C2: variants seen among roughly 807,000 people sequenced by gnomAD.
C2 encodes the protein complement C2.
In C2, 64 loss-of-function variants were observed where a neutral mutation model predicts 85.2. The ratio of observed to expected loss-of-function variants is 0.75; its 90% confidence interval spans 0.61 to 0.92. C2 has a LOEUF of 0.92. C2 is among the 40% of genes least tolerant of loss of function. C2 has a pLI of 0.00. For synonymous variants in C2, 311 were observed against 370.8 expected (o/e 0.84, Z 1.85); for missense variants, 820 against 971.6 (o/e 0.84, Z 2.07).
intron 1 of C2, among the ~76,000 whole-genome samples, chr6:31,905,441 A>T (rs1299294406): frequency 2.8e-4 from 3 of 10,612 alleles, no homozygotes; most frequent in Non-Finnish European, 4.0e-4. Context: ...CTGTCTTTTA[A>T]AAAAAAAATT....
chr6:31,940,943 AG>A (rs1349975311), intron 9 of C2, among the ~76,000 whole-genome samples: 4 of 152,180 alleles, frequency 2.6e-5, no homozygotes, highest in African/African-American at 9.7e-5. Flanking sequence ...ATGGGCCACA[AG>A]GGGTGCAAAG....
chr6:31,931,276 T>C (rs933214010), intron 3 of C2, among the ~76,000 whole-genome samples: 1 of 151,614 alleles, frequency 6.6e-6, no homozygotes, highest in Non-Finnish European at 1.5e-5. Context: ...TTTTTTTTTT[T>C]TTTTTAATTG....
Position 31,945,022 on chromosome 6 carries a change from T to G in C2, c.2072T>G (p.Phe691Cys), listed in dbSNP as rs748333871. Residue 691 changes from phenylalanine (F) to cysteine (C), a missense_variant, in exon 17 of 18, where the codon TTT becomes TGT. By Grantham distance (205) the Phe-to-Cys change is radical. Transcript: ENST00000299367. The surrounding 1 kb of genome is among the most constrained non-coding windows in gnomAD (Gnocchi z 5.3). ...GTTTTCCTTGAGCGGAGATTCAGGTTTTTTCAGGTGAGAAGGTAGAAGCTT... is the reference window on the plus strand; with the variant it reads ...GTTTTCCTTGAGCGGAGATTCAGGTGTTTTCAGGTGAGAAGGTAGAAGCTT... ...GAVFLERRFR[F>C]FQVGLVSWGL... 1 of 1,612,838 alleles carries G rather than the reference T, an allele frequency of 6.2e-7. No individual in the cohort carries two copies.
At chr6:31,925,414 T>C (rs1429672755), upstream of C2, among the ~76,000 whole-genome samples, 3 of 152,014 alleles carry the variant, frequency 2.0e-5, no homozygotes, top group African/African-American at 7.3e-5. Flanking sequence ...TACCTCAACC[T>C]CCTGAGCAGC....
chr6:31,910,415 C>T (rs1182497833), intron 1 of C2, among the ~76,000 whole-genome samples: 1 of 150,356 alleles, frequency 6.7e-6, no homozygotes, highest in Admixed American at 6.7e-5. Context: ...GCAGGCTTGA[C>T]CTCCCCAGGA....
In C2 at chr6:31,927,721, C is replaced by G. The variant is rs1204697768; in HGVS notation, c.-32C>G. 2 of 1,612,986 alleles carry G rather than the reference C, an allele frequency of 1.2e-6. No homozygotes were observed. Among genetic ancestry groups the G allele is most frequent in the Non-Finnish European group, 1.7e-6 (2 of 1,179,944 alleles). ...AGATGACCTTTTCCCTCCCGCGGCT[C>G]TCTACCTCTCGCCGCCCCTAGGGAG... On this transcript the variant is annotated 5_prime_UTR_variant, in exon 1 of 18. Transcript: ENST00000299367. This position sits in a 1 kb window ranked among gnomAD's most constrained non-coding sequence, Gnocchi z 4.7.
Position 31,936,004 on chromosome 6 carries a change from G to A in C2, c.931G>A (p.Asp311Asn), listed in dbSNP as rs774981560. 8 of 1,612,992 alleles carry A rather than the reference G, an allele frequency of 5.0e-6. No individual in the cohort carries two copies. Among genetic ancestry groups the A allele is most frequent in the East Asian group, 2.2e-5 (1 of 44,890 alleles). The change falls in exon 7 of 18, where the codon GAC (aspartate) becomes AAC (asparagine). Residue 311 changes from aspartate to asparagine, a missense_variant. Transcript: ENST00000299367. Reference protein sequence around the residue: ...EPKVLMSVLNDNSRDMTEVIS... With the variant: ...EPKVLMSVLNNNSRDMTEVIS... ...CAAAGTCCTCATGTCTGTCCTGAACGACAACTCCCGGGATATGACTGAGGT... is the reference window on the plus strand; with the variant it reads ...CAAAGTCCTCATGTCTGTCCTGAACAACAACTCCCGGGATATGACTGAGGT...
chr6:31,911,711 C>T (rs1768114654), intron 1 of C2, among the ~76,000 whole-genome samples: 1 of 150,994 alleles, frequency 6.6e-6, no homozygotes, highest in Non-Finnish European at 1.5e-5. Flanking sequence ...CACACTGCAG[C>T]CTCCGCCTCC....
chr6:31,942,913 A>G, intron 9 of C2, 46 bp from the exon 10 acceptor site: 1 of 1,611,196 alleles, frequency 6.2e-7, no homozygotes, highest in East Asian at 2.2e-5. Flanking sequence ...CTCATGGGGT[A>G]GCCCCAAAGC....
chr6:31,928,443 G>A (rs889477156), intron 2 of C2, among the ~76,000 whole-genome samples: 1 of 152,246 alleles, frequency 6.6e-6, no homozygotes, highest in African/African-American at 2.4e-5. Flanking sequence ...TGGTCCTGGA[G>A]TCCTCTAGAC....
chr6:31,918,637 C>T (rs753506356), upstream of C2, among the ~76,000 whole-genome samples: 28 of 150,550 alleles, frequency 1.9e-4, no homozygotes, highest in Admixed American at 4.6e-4. Context: ...CGGTGGCTCA[C>T]GCCTGTAATT....
At chr6:31,916,281 G>A (rs1433227412), upstream of C2, among the ~76,000 whole-genome samples, 3 of 152,092 alleles carry the variant, frequency 2.0e-5, no homozygotes, top group South Asian at 2.1e-4. Flanking sequence ...GATGTTGGCC[G>A]GGTATGGTGG....
chr6:31,908,004 G>A (rs1482296963), intron 1 of C2, among the ~76,000 whole-genome samples: 2 of 151,382 alleles, frequency 1.3e-5, no homozygotes, highest in East Asian at 1.9e-4. Flanking sequence ...CTGCCACCAC[G>A]CCCAGCTAAT....
At chr6:31,905,039 C>T (rs1189691533) in intron 1 of C2, among the ~76,000 whole-genome samples, 1 of 152,122 alleles carries the variant, frequency 6.6e-6, no homozygotes, top group African/African-American at 2.4e-5. Context: ...CCCTTCTTCC[C>T]CAACTTCTGC....
chr6:31,931,138 T>C (rs1287648568), intron 3 of C2, among the ~76,000 whole-genome samples: 1 of 152,256 alleles, frequency 6.6e-6, no homozygotes, highest in East Asian at 1.9e-4. Flanking sequence ...CAGTACTTTG[T>C]TCTTTTTTAT....
chr6:31,899,112 A>G (rs1255453897), upstream of C2, among the ~76,000 whole-genome samples: 1 of 152,112 alleles, frequency 6.6e-6, no homozygotes, highest in African/African-American at 2.4e-5. Flanking sequence ...GTGGAAAACA[A>G]AAGCAGAAAA....
chr6:31,943,722 A>G lies in C2; in HGVS notation c.1646A>G (p.Lys549Arg), dbSNP rs746859565. 1.2e-6 allele frequency: 2 copies of G among 1,613,050 alleles called. No individual in the cohort carries two copies. Among genetic ancestry groups the G allele is most frequent in the African/African-American group, 1.3e-5 (1 of 75,042 alleles). Residue 549 changes from lysine (K) to arginine (R), a missense_variant, in exon 13 of 18, where the codon AAA becomes AGA. By Grantham distance (26) the Lys-to-Arg change is conservative (BLOSUM62 2). Coordinates refer to ENST00000299367, the MANE Select transcript of C2 (RefSeq NM_000063.6). This position sits in a 1 kb window ranked among gnomAD's most constrained non-coding sequence, Gnocchi z 6.4. ...VISPGFDVFA[K>R]KNQGILEFYG... ...TCCCCAGGGTTTGATGTCTTTGCCAAAAAGAACCAGGGAATCCTGGAGTTC... is the reference window on the plus strand; with the variant it reads ...TCCCCAGGGTTTGATGTCTTTGCCAGAAAGAACCAGGGAATCCTGGAGTTC...
chr6:31,937,134 G>T, intron 7 of C2, 185 bp from the exon 8 acceptor site: 1 of 605,168 alleles, frequency 1.7e-6, no homozygotes, highest in East Asian at 2.8e-5. Flanking sequence ...ACTTGAACTG[G>T]GGAGGTGGAG....
chr6:31,914,093 T>C (rs1475052275), intron 1 of C2, among the ~76,000 whole-genome samples: 1 of 150,804 alleles, frequency 6.6e-6, no homozygotes, highest in Non-Finnish European at 1.5e-5. Context: ...AGTTAAGTTT[T>C]GTATTCACCG....
Sources: gnomAD v4.1 joint callset for allele counts (sites outside exome capture counted in the v4.1 genomes callset) on GRCh38, gnomAD v4.1.1 for gene constraint, Gnocchi (gnomAD v3.1) non-coding constraint, MANE v1.5 for transcripts, NCBI Gene and HGNC (gene_info 2026-07-23, HGNC 2026-07-21) for gene names.